The following FGF12 variants were observed in gnomAD, a reference collection of about 807,000 sequenced individuals.
The protein encoded by FGF12 is fibroblast growth factor 12B.
FGF12 carries 14 observed loss-of-function variants against 23.6 expected under a neutral mutation model. That is an observed-to-expected ratio of 0.59 (90% CI 0.39 to 0.93). The LOEUF (loss-of-function observed/expected upper bound fraction) is 0.93. Ranked by LOEUF, FGF12 falls within the 40% of genes least tolerant of loss-of-function variation. FGF12 has a pLI of 0.00. For missense variants in FGF12, 175 were observed against 217.8 expected (o/e 0.80, Z 1.24); for synonymous variants, 62 against 77.3 (o/e 0.80, Z 1.04).
chr3:192,379,545 G>A (rs1454978322), intron 2 of FGF12, among the ~76,000 whole-genome samples: 1 of 151,982 alleles, frequency 6.6e-6, no homozygotes, highest in Non-Finnish European at 1.5e-5. Flanking sequence ...TCAATCCTTT[G>A]GGGAATCTTT....
At chr3:192,298,942 C>G (rs894643605) in intron 4 of FGF12, among the ~76,000 whole-genome samples, 11 of 152,110 alleles carry the variant, frequency 7.2e-5, no homozygotes, top group Admixed American at 2.6e-4. Context: ...TTTTAACACA[C>G]AGATCTCATT....
chr3:192,226,691 A>G (rs973506013), intron 4 of FGF12, among the ~76,000 whole-genome samples: 5 of 152,124 alleles, frequency 3.3e-5, no homozygotes, highest in Admixed American at 3.3e-4. Context: ...TGTCCTTAGA[A>G]AAGAGGTTGG....
In FGF12 at chr3:192,336,778, G is replaced by A. The variant is rs1034176967; in HGVS notation, c.125-1314C>T. The stretch of plus-strand genomic sequence containing the variant: ...TCTCGGCTTCTCTCAACCTACAATA[G>A]TAAGCTAAACACACACACATGCAGA... On this transcript the variant is annotated intron_variant, in intron 3 of 5. Transcript: ENST00000445105. This position sits in a 1 kb window ranked among gnomAD's most constrained non-coding sequence, Gnocchi z 4.3. Among the ~76,000 whole-genome samples, 2 of 151,910 alleles carry A rather than the reference G, an allele frequency of 1.3e-5. No homozygotes were observed. The highest frequency in any genetic ancestry group is 2.9e-5 in the Non-Finnish European group (2 of 67,958).
chr3:192,409,960 C>T lies in FGF12; in HGVS notation c.14-49422G>A, dbSNP rs1467652203. Among the ~76,000 whole-genome samples the T allele has an allele frequency of 6.6e-6, 1 of 151,946 alleles. No homozygotes were observed. The highest frequency in any genetic ancestry group is 1.5e-5 in the Non-Finnish European group (1 of 67,906). On this transcript the variant is annotated intron_variant, in intron 2 of 5. Transcript: ENST00000445105. This position sits in a 1 kb window ranked among gnomAD's most constrained non-coding sequence, Gnocchi z 4.8. ...GGAGGGGGCGCTCAGGGTGGAGTCC[C>T]ATTCATGGGCTGAGGCTCTGGGCGC...
At chr3:192,348,223 G>T (rs1718052436) in intron 3 of FGF12, among the ~76,000 whole-genome samples, 1 of 152,130 alleles carries the variant, frequency 6.6e-6, no homozygotes, top group African/African-American at 2.4e-5. Context: ...TCTCACATAG[G>T]TATGTGTTCC....
At chr3:192,427,391 A>T (rs920539808) in intron 2 of FGF12, among the ~76,000 whole-genome samples, 16 of 152,122 alleles carry the variant, frequency 1.1e-4, no homozygotes, top group African/African-American at 3.9e-4. Context: ...AAAAAAAAAA[A>T]AAAAGAGTAG....
chr3:192,679,059 G>A lies in FGF12; in HGVS notation c.13+48122C>T, dbSNP rs1457864070. Among the ~76,000 whole-genome samples, 5 of 152,272 alleles carry A rather than the reference G, an allele frequency of 3.3e-5. No individual in the cohort carries two copies. The East Asian group carries it at 9.6e-4, about 29-fold the overall frequency. On this transcript the variant is annotated intron_variant, in intron 2 of 5. Transcript: ENST00000445105. ...CCACACTTTTGAGAATCTCCGCTCT[G>A]GATCCCAGCTTTGGAGAATAGGAAG...
intron 4 of FGF12, among the ~76,000 whole-genome samples, chr3:192,280,699 TA>T (rs1714093450): frequency 6.6e-6 from 1 of 151,960 alleles, no homozygotes. Flanking sequence ...GCAGAAAGAG[TA>T]ACTTGCCAAA....
intron 2 of FGF12, among the ~76,000 whole-genome samples, chr3:192,649,247 C>T (rs1716122154): frequency 6.6e-6 from 1 of 152,088 alleles, no homozygotes; most frequent in East Asian, 1.9e-4. Flanking sequence ...GAGGATTGAT[C>T]GCCACAGCCA....
chr3:192,707,518 C>T (rs1718509360), intron 2 of FGF12, among the ~76,000 whole-genome samples: 1 of 152,080 alleles, frequency 6.6e-6, no homozygotes, highest in Admixed American at 6.6e-5. Context: ...GAGGCTGAGG[C>T]AAATGAATCA....
chr3:192,293,851 G>A (rs1056298106), intron 4 of FGF12, among the ~76,000 whole-genome samples: 4 of 152,166 alleles, frequency 2.6e-5, no homozygotes, highest in Non-Finnish European at 4.4e-5. Flanking sequence ...AGGATGGGAA[G>A]TCCAATATCC....
At chr3:192,410,768 A>G (rs1209385415) in intron 2 of FGF12, among the ~76,000 whole-genome samples, 1 of 152,150 alleles carries the variant, frequency 6.6e-6, no homozygotes, top group Non-Finnish European at 1.5e-5. Flanking sequence ...GCGGCGAGGG[A>G]GTGATGTGGA....
intron 2 of FGF12, among the ~76,000 whole-genome samples, chr3:192,593,362 C>T (rs553453934): frequency 1.1e-4 from 16 of 151,906 alleles, no homozygotes; most frequent in Middle Eastern, 6.8e-3. Context: ...AACCCTATGC[C>T]CTCTGTGACC....
chr3:192,215,624 A>AGG (rs1325406174), intron 4 of FGF12, among the ~76,000 whole-genome samples: 4 of 152,172 alleles, frequency 2.6e-5, no homozygotes, highest in Non-Finnish European at 4.4e-5. Context: ...TGTACCTATT[A>AGG]TCTCCTAGCA....
chr3:192,245,128 T>C (rs1719820886), intron 4 of FGF12: 1 of 140,268 alleles, frequency 7.1e-6, no homozygotes, highest in Non-Finnish European at 1.6e-5. Context: ...CAGGAACTCG[T>C]TTTGTCATCC....
intron 4 of FGF12, among the ~76,000 whole-genome samples, chr3:192,277,250 A>T (rs1399117553): frequency 2.0e-5 from 3 of 152,244 alleles, no homozygotes. Context: ...TGAAGATATT[A>T]TCTCAAGTTT....
chr3:192,420,551 A>C (rs1226244757), intron 2 of FGF12, among the ~76,000 whole-genome samples: 1 of 152,142 alleles, frequency 6.6e-6, no homozygotes, highest in Non-Finnish European at 1.5e-5. Context: ...TCACTCTGTT[A>C]GTTCATGTGA....
chr3:192,159,435 A>C (rs1714738173), intron 5 of FGF12, among the ~76,000 whole-genome samples: 1 of 152,202 alleles, frequency 6.6e-6, no homozygotes, highest in African/African-American at 2.4e-5. Context: ...TCTCCTTTGC[A>C]GGAGCCTCCT....
Position 192,614,936 on chromosome 3 carries a change from T to C in FGF12, c.13+112245A>G, listed in dbSNP as rs1052276041. 3.9e-5 allele frequency among the ~76,000 whole-genome samples: 6 copies of C among 151,988 alleles called. No homozygotes were observed. The South Asian group carries it at 1.2e-3, about 31-fold the overall frequency. Reference sequence around the variant, plus strand: ...TTTTATTTGTTTACAGGGGTTTTTTTCTCCATTATATCACTCTCTAAGAAT... The same window carrying C: ...TTTTATTTGTTTACAGGGGTTTTTTCCTCCATTATATCACTCTCTAAGAAT... On this transcript the variant is annotated intron_variant, in intron 2 of 5. Coordinates refer to ENST00000445105, the MANE Select transcript of FGF12 (RefSeq NM_004113.6).
Sources: allele counts gnomAD v4.1 joint callset (sites outside exome capture counted in the v4.1 genomes callset), GRCh38; gene constraint gnomAD v4.1.1; non-coding constraint Gnocchi (gnomAD v3.1); transcripts MANE v1.5; gene names NCBI Gene and HGNC (gene_info 2026-07-23, HGNC 2026-07-21).